The following ACTN2 variants were observed in gnomAD, a reference collection of about 807,000 sequenced individuals.
The protein encoded by ACTN2 is actinin alpha 2.
In ACTN2, 39 loss-of-function variants were observed where a neutral mutation model predicts 113.8. The observed-to-expected ratio is 0.34, with a 90% CI of 0.27 to 0.45. ACTN2 has a LOEUF of 0.45. ACTN2 is among the 20% of genes least tolerant of loss of function. The probability of loss-of-function intolerance (pLI) is 1.00; values close to 1 mark genes in which losing one functional copy is unlikely to be tolerated. For missense variants in ACTN2, 992 were observed against 1,177.9 expected (o/e 0.84, Z 2.31); for synonymous variants, 429 against 444.1 (o/e 0.97, Z 0.43).
In ACTN2 at chr1:236,755,014, C is replaced by CT; in HGVS notation, c.1975-4dup. 1.9e-6 allele frequency: 3 copies of CT among 1,614,198 alleles called. No homozygotes were observed. The highest frequency in any genetic ancestry group is 2.5e-6 in the Non-Finnish European group (3 of 1,180,044). ...TCTCTCTGCTTGCTCACTCGCCCCCCTCAGGAGATTGCCCGGAGCTCCATC... is the reference window on the plus strand; with the variant it reads ...TCTCTCTGCTTGCTCACTCGCCCCCCTTCAGGAGATTGCCCGGAGCTCCATC... On this transcript the variant is annotated splice_region_variant and splice_polypyrimidine_tract_variant and intron_variant, in intron 16 of 20. Coordinates refer to ENST00000366578, the MANE Select transcript of ACTN2 (RefSeq NM_001103.4).
At chr1:236,741,187 C>T (rs1410088159) in intron 10 of ACTN2, among the ~76,000 whole-genome samples, 3 of 151,960 alleles carry the variant, frequency 2.0e-5, no homozygotes, top group African/African-American at 7.3e-5. Context: ...TGGGACTACA[C>T]GCACATCCCA....
rs531633981 is a variant in ACTN2 at position 236,740,962 on chromosome 1, T to C, written c.1107+1430T>C. Among the ~76,000 whole-genome samples the C allele has an allele frequency of 2.6e-5, 4 of 152,348 alleles. No homozygotes were observed. In the East Asian group the frequency reaches 7.7e-4, roughly 29 times the overall value. ...TGCCTCCTCCCTCTACCTGTAGATG[T>C]TGGTGATTCTCAGGCTTGGTGCTGA... On this transcript the variant is annotated intron_variant, in intron 10 of 20. Transcript: ENST00000366578.
At chr1:236,689,660 C>T (rs529711396) in intron 1 of ACTN2, among the ~76,000 whole-genome samples, 1 of 152,238 alleles carries the variant, frequency 6.6e-6, no homozygotes, top group Non-Finnish European at 1.5e-5. Context: ...GCCCCAGATA[C>T]AATATTTTAA....
chr1:236,759,766 C>T lies in ACTN2; in HGVS notation c.2344C>T (p.Leu782=). ...LMDHEDFRAC[L]ISMGYDLGEA... ...GGATCATGAGGATTTCAGAGCCTGCCTGATTTCCATGGGTTATGACCTGGT... is the reference window on the plus strand; with the variant it reads ...GGATCATGAGGATTTCAGAGCCTGCTTGATTTCCATGGGTTATGACCTGGT... Residue 782 remains leucine, a synonymous_variant, in exon 19 of 21, where the codon CTG becomes TTG. Coordinates refer to ENST00000366578, the MANE Select transcript of ACTN2 (RefSeq NM_001103.4). 1 of 1,614,036 alleles carries T rather than the reference C, an allele frequency of 6.2e-7. No individual in the cohort carries two copies. Among genetic ancestry groups the T allele is most frequent in the Non-Finnish European group, 8.5e-7 (1 of 1,179,952 alleles).
In ACTN2 at chr1:236,753,394, T is replaced by C. The variant is rs1187320377; in HGVS notation, c.1840-553T>C. Reference sequence around the variant, plus strand: ...GAGTAGGGCTGAGTGTACGTGATATTTGTTGCAAGAGGCAGGCATAACCGT... The same window carrying C: ...GAGTAGGGCTGAGTGTACGTGATATCTGTTGCAAGAGGCAGGCATAACCGT... On this transcript the variant is annotated intron_variant, in intron 15 of 20. Transcript: ENST00000366578. Among the ~76,000 whole-genome samples the C allele has an allele frequency of 2.0e-5, 3 of 152,200 alleles. No homozygotes were observed. The East Asian group carries it at 5.8e-4, about 29-fold the overall frequency.
chr1:236,759,384 T>TA (rs1572150575), intron 18 of ACTN2, among the ~76,000 whole-genome samples: 1 of 152,208 alleles, frequency 6.6e-6, no homozygotes, highest in African/African-American at 2.4e-5. Context: ...ATGCAGAACT[T>TA]ACCATGTTTA....
chr1:236,711,855 A>AGAG (rs1658037199), intron 1 of ACTN2, among the ~76,000 whole-genome samples: 2 of 152,168 alleles, frequency 1.3e-5, no homozygotes, highest in South Asian at 4.1e-4. Context: ...TGAAAACAAG[A>AGAG]GAGGAGGTTG....
intron 1 of ACTN2, among the ~76,000 whole-genome samples, chr1:236,715,068 T>C (rs1365463589): frequency 6.6e-6 from 1 of 152,150 alleles, no homozygotes; most frequent in Non-Finnish European, 1.5e-5. Context: ...TCATTCCTTA[T>C]GGGGTAGGGC....
At chr1:236,744,869 A>G in intron 12 of ACTN2, 93 bp downstream of exon 12, 1 of 1,548,572 alleles carries the variant, frequency 6.5e-7, no homozygotes, top group Non-Finnish European at 8.9e-7. Flanking sequence ...GACTAAACGC[A>G]GAGGGAACCA....
chr1:236,741,140 G>A (rs1659055370), intron 10 of ACTN2, among the ~76,000 whole-genome samples: 1 of 152,108 alleles, frequency 6.6e-6, no homozygotes, highest in African/African-American at 2.4e-5. Flanking sequence ...AATCTCCTGG[G>A]CTCAAGTGAT....
chr1:236,707,700 C>CTTTTTTTTTTTTTTTTTTTTTTTTTTT (rs1298408547), intron 1 of ACTN2, among the ~76,000 whole-genome samples: 1 of 111,674 alleles, frequency 9.0e-6, no homozygotes, highest in Admixed American at 1.3e-4. Context: ...CTTTTCTTTT[C>CTTTTTTTTTTTTTTTTTTTTTTTTTTT]TTTTTTTTCT....
At chr1:236,736,309 C>T (rs1658874258) in intron 8 of ACTN2, among the ~76,000 whole-genome samples, 1 of 152,208 alleles carries the variant, frequency 6.6e-6, no homozygotes, top group Non-Finnish European at 1.5e-5. Context: ...TGATAGACTG[C>T]AGTGGGCGGA....
At chr1:236,735,865 C>A (rs1055226479) in intron 8 of ACTN2, 145 bp downstream of exon 8, 2 of 797,774 alleles carry the variant, frequency 2.5e-6, no homozygotes, top group Admixed American at 2.1e-5. Context: ...ATGGCAAGTT[C>A]TAAACTGTGA....
At chr1:236,737,268 C>T in intron 9 of ACTN2, 54 bp downstream of exon 9, 1 of 1,078,540 alleles carries the variant, frequency 9.3e-7, no homozygotes, top group Non-Finnish European at 1.3e-6. Context: ...GGGGCTGAGG[C>T]ACAGAGGGTG....
intron 1 of ACTN2, among the ~76,000 whole-genome samples, chr1:236,690,638 A>G (rs1035742864): frequency 6.6e-6 from 1 of 152,186 alleles, no homozygotes; most frequent in African/African-American, 2.4e-5. Flanking sequence ...ATGTTCAAAT[A>G]TTATTATCCT....
At chr1:236,737,519 GGACACCCCTAGAC>G (rs1021316200) in intron 9 of ACTN2, among the ~76,000 whole-genome samples, 1 of 146,360 alleles carries the variant, frequency 6.8e-6, no homozygotes, top group African/African-American at 2.5e-5. Context: ...CTCCAGGGTT[GGACACCCCTAGAC>G]GACCTTGGGT....
intron 1 of ACTN2, among the ~76,000 whole-genome samples, chr1:236,705,959 A>C (rs1045643183): frequency 2.6e-5 from 4 of 152,208 alleles, no homozygotes; most frequent in African/African-American, 9.6e-5. Context: ...GTGATGCAGA[A>C]TTTGATTAAA....
intron 10 of ACTN2, among the ~76,000 whole-genome samples, chr1:236,740,983 G>T (rs187909107): frequency 2.0e-5 from 3 of 152,116 alleles, no homozygotes. Flanking sequence ...CAGGCTTGGT[G>T]CTGAGCCCTC....
chr1:236,697,734 A>G (rs570733865), intron 1 of ACTN2, among the ~76,000 whole-genome samples: 1 of 150,792 alleles, frequency 6.6e-6, no homozygotes, highest in East Asian at 1.9e-4. Flanking sequence ...GTGGAATGCA[A>G]TATCTTTTAG....
Sources: gnomAD v4.1 joint callset for allele counts (sites outside exome capture counted in the v4.1 genomes callset) on GRCh38, gnomAD v4.1.1 for gene constraint, MANE v1.5 for transcripts, NCBI Gene and HGNC (gene_info 2026-07-23, HGNC 2026-07-21) for gene names.